FARS2: variants seen among roughly 807,000 people sequenced by gnomAD.
FARS2 encodes the protein phenylalanine--tRNA ligase, mitochondrial.
Under a neutral mutation model 46.4 loss-of-function variants are expected in FARS2, and 40 were observed. That is an observed-to-expected ratio of 0.86 (90% CI 0.67 to 1.12). FARS2 has a LOEUF of 1.12. Among genes scored for constraint, FARS2 ranks in the 50% most tolerant of loss-of-function variants. The pLI, the probability that FARS2 is intolerant of heterozygous loss-of-function variation, is 0.00. For synonymous variants in FARS2, 234 were observed against 214.9 expected (o/e 1.09, Z -0.78); for missense variants, 513 against 567.9 (o/e 0.90, Z 0.98).
At chr6:5,742,231 T>C (rs1330924843) in intron 6 of FARS2, among the ~76,000 whole-genome samples, 1 of 152,182 alleles carries the variant, frequency 6.6e-6, no homozygotes, top group Non-Finnish European at 1.5e-5. Flanking sequence ...CAGATCCCAT[T>C]TGGGGTGCAG....
At chr6:5,567,949 A>T (rs532696190) in intron 5 of FARS2, among the ~76,000 whole-genome samples, 13 of 152,212 alleles carry the variant, frequency 8.5e-5, no homozygotes, top group African/African-American at 1.4e-4. Flanking sequence ...GGATTTTCCT[A>T]TCTCCTCTTC....
chr6:5,653,801 T>C (rs1777482391), intron 6 of FARS2, among the ~76,000 whole-genome samples: 1 of 152,170 alleles, frequency 6.6e-6, no homozygotes, highest in Non-Finnish European at 1.5e-5. Flanking sequence ...AAAGCAAAGC[T>C]CACCTTCATG....
At chr6:5,642,916 T>C (rs1776893650) in intron 6 of FARS2, among the ~76,000 whole-genome samples, 1 of 152,166 alleles carries the variant, frequency 6.6e-6, no homozygotes, top group African/African-American at 2.4e-5. Flanking sequence ...GATACCCCAG[T>C]CCCCTGCAGC....
chr6:5,337,549 T>A (rs1771248447), intron 1 of FARS2, among the ~76,000 whole-genome samples: 2 of 152,174 alleles, frequency 1.3e-5, no homozygotes. Context: ...GGCCCCTTTA[T>A]GTATTTGTTA....
rs1454920325 is a variant in FARS2, at chr6:5,341,227, ATATATATATTTTTTTTT to A, written c.-21-27321_-21-27305del. Among the ~76,000 whole-genome samples, 4 of 4,650 alleles carry A rather than the reference ATATATATATTTTTTTTT, an allele frequency of 8.6e-4. 1 individual carries two copies. Among genetic ancestry groups the A allele is most frequent in the African/African-American group, 3.8e-3 (4 of 1,040 alleles). The allele number at this position is 4,650 out of a possible 152,430, so 3.1% of individuals were successfully genotyped here. On this transcript the variant is annotated intron_variant, in intron 1 of 6. Transcript: ENST00000274680. ...TATATATATATATATATATATATAT[ATATATATATTTTTTTTT>A]TTTTTTTTTTTTTCCCTGTGAGAGC... is the stretch of plus-strand genomic sequence containing the variant.
At chr6:5,617,345 A>G (rs917288338) in intron 6 of FARS2, among the ~76,000 whole-genome samples, 10 of 152,102 alleles carry the variant, frequency 6.6e-5, no homozygotes, top group African/African-American at 1.4e-4. Flanking sequence ...TTTATAGACT[A>G]TTTTTTTGGA....
At chr6:5,595,159 G>A (rs1774127008) in intron 5 of FARS2, among the ~76,000 whole-genome samples, 1 of 152,158 alleles carries the variant, frequency 6.6e-6, no homozygotes, top group Non-Finnish European at 1.5e-5. Flanking sequence ...GTAGCTTTGA[G>A]CCCTGCACTT....
chr6:5,427,584 A>G (rs541885748), intron 3 of FARS2, among the ~76,000 whole-genome samples: 6 of 151,878 alleles, frequency 4.0e-5, no homozygotes, highest in Middle Eastern at 6.8e-3. Flanking sequence ...CACAACTTTT[A>G]CCAGTCTGTG....
At chr6:5,267,741 G>A (rs1345854322) in intron 1 of FARS2, among the ~76,000 whole-genome samples, 5 of 137,414 alleles carry the variant, frequency 3.6e-5, no homozygotes, top group African/African-American at 1.2e-4. Context: ...GAGACACAGC[G>A]AGACTGTCTC....
At chr6:5,279,420 G>A (rs1288478405) in intron 1 of FARS2, among the ~76,000 whole-genome samples, 1 of 150,370 alleles carries the variant, frequency 6.7e-6, no homozygotes, top group African/African-American at 2.4e-5. Flanking sequence ...AAGCAATCTT[G>A]AGTTGAAAAT....
intron 1 of FARS2, among the ~76,000 whole-genome samples, chr6:5,307,254 T>C (rs1164225092): frequency 5.3e-5 from 8 of 152,190 alleles, no homozygotes; most frequent in Non-Finnish European, 1.0e-4. Context: ...AATGGCACTG[T>C]CCATCAGTAA....
intron 2 of FARS2, among the ~76,000 whole-genome samples, chr6:5,392,170 T>G (rs1478902431): frequency 6.6e-6 from 1 of 152,224 alleles, no homozygotes; most frequent in Non-Finnish European, 1.5e-5. Flanking sequence ...CTGAGTGATC[T>G]TACCCTCTCT....
chr6:5,398,111 C>T (rs1761017363), intron 2 of FARS2, among the ~76,000 whole-genome samples: 1 of 152,026 alleles, frequency 6.6e-6, no homozygotes, highest in African/African-American at 2.4e-5. Flanking sequence ...TATTATTTTC[C>T]CCTTTGTAGT....
At chr6:5,288,103 T>C (rs761688541) in intron 1 of FARS2, among the ~76,000 whole-genome samples, 12 of 152,218 alleles carry the variant, frequency 7.9e-5, no homozygotes, top group Non-Finnish European at 1.5e-5. Flanking sequence ...TGTTCCCATG[T>C]TGCTCGTTGG....
chr6:5,456,730 CAAAAAAA>C (rs11393453), intron 4 of FARS2, among the ~76,000 whole-genome samples: 3 of 69,892 alleles, frequency 4.3e-5, no homozygotes, highest in South Asian at 7.0e-4. Flanking sequence ...GACTCCATCT[CAAAAAAA>C]AAAAAAAAAA....
intron 4 of FARS2, among the ~76,000 whole-genome samples, chr6:5,434,022 C>T (rs916265033): frequency 6.6e-6 from 1 of 152,144 alleles, no homozygotes; most frequent in Non-Finnish European, 1.5e-5. Flanking sequence ...GAAAAAGACA[C>T]CTAAGTCGTA....
Position 5,462,134 on chromosome 6 carries a change from C to G in FARS2, c.904+30962C>G, listed in dbSNP as rs1056085838. On this transcript the variant is annotated intron_variant, in intron 4 of 6. Transcript: ENST00000274680. ...TTTGTATCTCGTTAGTTTTACTTTACATTTTCCTCTTGAATAATCATGTTA... is the reference window on the plus strand; with the variant it reads ...TTTGTATCTCGTTAGTTTTACTTTAGATTTTCCTCTTGAATAATCATGTTA... 2.0e-5 allele frequency among the ~76,000 whole-genome samples: 3 copies of G among 152,306 alleles called. No homozygotes were observed. The East Asian group carries it at 5.8e-4, about 29-fold the overall frequency.
At chr6:5,449,352 CAA>C (rs5873985) in intron 4 of FARS2, among the ~76,000 whole-genome samples, 3 of 120,884 alleles carry the variant, frequency 2.5e-5, no homozygotes, top group Admixed American at 9.1e-5. Flanking sequence ...GACTCCATCT[CAA>C]AAAAAAAAAA....
At chr6:5,379,601 G>A (rs1026833354) in intron 2 of FARS2, among the ~76,000 whole-genome samples, 3 of 152,188 alleles carry the variant, frequency 2.0e-5, no homozygotes, top group African/African-American at 7.2e-5. Flanking sequence ...GTGCCATGCT[G>A]GTGAAATTGC....
Sources: allele counts gnomAD v4.1 joint callset (sites outside exome capture counted in the v4.1 genomes callset), GRCh38; gene constraint gnomAD v4.1.1; transcripts MANE v1.5; gene names NCBI Gene and HGNC (gene_info 2026-07-23, HGNC 2026-07-21).